LRRC42: variants seen among roughly 807,000 people sequenced by gnomAD.
The protein encoded by LRRC42 is leucine-rich repeat-containing protein 42.
LRRC42 carries 43 observed loss-of-function variants against 44.3 expected under a neutral mutation model. The observed-to-expected ratio is 0.97, with a 90% confidence interval of 0.76 to 1.25. The LOEUF (loss-of-function observed/expected upper bound fraction) is 1.25. Ranked by LOEUF, LRRC42 falls within the 50% of genes most tolerant of loss-of-function variation. The pLI, the probability that LRRC42 is intolerant of heterozygous loss-of-function variation, is 0.00. For synonymous variants in LRRC42, 207 were observed against 195.2 expected, an observed-to-expected ratio of 1.06 and a Z score of -0.50; for missense variants, 540 against 509.1, an observed-to-expected ratio of 1.06 and a Z score of -0.58.
In LRRC42 at chr1:53,967,223, C is replaced by T. The variant is rs948722670; in HGVS notation, c.1013-442C>T. Reference sequence around the variant, plus strand: ...CAAAAAAATGTAAAATAGGTTGTATCATTTGCTATTTGGCTCTTAGAGTCA... The same window carrying T: ...CAAAAAAATGTAAAATAGGTTGTATTATTTGCTATTTGGCTCTTAGAGTCA... On this transcript the variant is annotated intron_variant, in intron 8 of 8. Coordinates refer to ENST00000371370, the MANE Select transcript of LRRC42 (RefSeq NM_001256409.2). Among the ~76,000 whole-genome samples, 36 of 152,178 alleles carry T rather than the reference C, an allele frequency of 2.4e-4. 1 individual carries two copies. The highest frequency in any genetic ancestry group is 8.4e-4 in the African/African-American group (35 of 41,442).
intron 3 of LRRC42, among the ~76,000 whole-genome samples, chr1:53,957,611 G>A (rs527642699): frequency 6.6e-6 from 1 of 152,324 alleles, no homozygotes; most frequent in South Asian, 2.1e-4. Flanking sequence ...TTGGAGTAAA[G>A]TTAGGATAAC....
At chr1:53,952,619 A>G in intron 3 of LRRC42, 147 bp downstream of exon 3, 1 of 606,804 alleles carries the variant, frequency 1.6e-6, no homozygotes, top group South Asian at 2.7e-5. Context: ...CATATTGAAA[A>G]AAATCACTCT....
Position 53,967,712 on chromosome 1 carries a change from G to C in LRRC42, c.1060G>C (p.Asp354His). Reference sequence around the variant, plus strand: ...AGCCCCACTGAAGTGTCCCCTGGCAGACACCCACATGAACTCTTCCGAGAA... The same window carrying C: ...AGCCCCACTGAAGTGTCCCCTGGCACACACCCACATGAACTCTTCCGAGAA... ...AEAPLKCPLA[D>H]THMNSSEKLQ... Residue 354 changes from aspartate (D) to histidine (H), a missense_variant, in exon 9 of 9, where the codon GAC becomes CAC. Transcript: ENST00000371370. 6.2e-6 allele frequency: 10 copies of C among 1,614,166 alleles called. No individual in the cohort carries two copies. The South Asian group carries it at 7.7e-5, about 12-fold the overall frequency.
At chr1:53,950,389 C>G (rs1654639280) in intron 2 of LRRC42, among the ~76,000 whole-genome samples, 1 of 152,204 alleles carries the variant, frequency 6.6e-6, no homozygotes. Context: ...GTACTCTTCT[C>G]TCATGTGCTT....
chr1:53,958,099 G>A (rs1274011135), intron 3 of LRRC42, 50 bp from the exon 4 acceptor site: 3 of 1,607,722 alleles, frequency 1.9e-6, no homozygotes, highest in Admixed American at 1.7e-5. Flanking sequence ...AAATGGTAAT[G>A]CTTTAAGAGT....
chr1:53,958,573 A>G (rs191851775), intron 4 of LRRC42, among the ~76,000 whole-genome samples: 14 of 151,824 alleles, frequency 9.2e-5, no homozygotes, highest in Non-Finnish European at 1.5e-5. Flanking sequence ...TTTGCCCCTT[A>G]TTTATTTATT....
At chr1:53,962,540 T>C in intron 7 of LRRC42, 131 bp downstream of exon 7, 1 of 667,478 alleles carries the variant, frequency 1.5e-6, no homozygotes, top group South Asian at 1.8e-5. Context: ...CATGTCAAAT[T>C]GGAGACACTG....
intron 3 of LRRC42, among the ~76,000 whole-genome samples, chr1:53,953,434 C>T (rs1654748176): frequency 6.6e-6 from 1 of 152,162 alleles, no homozygotes; most frequent in African/African-American, 2.4e-5. Context: ...TCTCAGCTCT[C>T]ACTGCAACCT....
At chr1:53,948,914 T>C (rs1654597803) in intron 2 of LRRC42, among the ~76,000 whole-genome samples, 1 of 152,230 alleles carries the variant, frequency 6.6e-6, no homozygotes, top group Non-Finnish European at 1.5e-5. Flanking sequence ...TTTGGGAGAA[T>C]GCAGGATGTG....
intron 3 of LRRC42, among the ~76,000 whole-genome samples, chr1:53,955,974 A>T (rs957426917): frequency 3.9e-5 from 6 of 152,194 alleles, no homozygotes; most frequent in Non-Finnish European, 7.3e-5. Flanking sequence ...TCCACACTTG[A>T]CTGTCTCATT....
At chr1:53,965,265 G>C (rs1456341446) in intron 7 of LRRC42, among the ~76,000 whole-genome samples, 1 of 151,978 alleles carries the variant, frequency 6.6e-6, no homozygotes, top group East Asian at 1.9e-4. Flanking sequence ...GATTACAGGC[G>C]TGAGCTACTG....
intron 3 of LRRC42, among the ~76,000 whole-genome samples, chr1:53,957,001 A>T (rs879475621): frequency 1.3e-5 from 2 of 152,152 alleles, no homozygotes; most frequent in Admixed American, 6.5e-5. Context: ...GTCTCCAGGC[A>T]CCTTAGGTTC....
chr1:53,966,246 T>A, intron 7 of LRRC42, 50 bp from the exon 8 acceptor site: 1 of 1,459,030 alleles, frequency 6.9e-7, no homozygotes, highest in South Asian at 1.1e-5. Context: ...GGCTTGAGAT[T>A]AAAATCTCAA....
intron 7 of LRRC42, among the ~76,000 whole-genome samples, chr1:53,964,255 C>A (rs896480704): frequency 1.3e-5 from 2 of 152,092 alleles, no homozygotes; most frequent in Non-Finnish European, 2.9e-5. Flanking sequence ...CCTGGCTCTC[C>A]CCCAACTTTC....
intron 3 of LRRC42, among the ~76,000 whole-genome samples, chr1:53,956,716 T>TG (rs1247563783): frequency 2.0e-5 from 3 of 152,254 alleles, no homozygotes; most frequent in African/African-American, 7.2e-5. Context: ...CCTAACATGT[T>TG]TGTTCCTCAA....
chr1:53,962,290 C>A lies in LRRC42; in HGVS notation c.814-6C>A. 6.2e-7 allele frequency: 1 copy of A among 1,604,270 alleles called. No individual in the cohort carries two copies. Among genetic ancestry groups the A allele is most frequent in the Non-Finnish European group, 8.5e-7 (1 of 1,171,064 alleles). The stretch of plus-strand genomic sequence containing the variant: ...TTGCATTTCTGATCTGTCTCTGCCT[C>A]ACTAGGACATCAAAACCGTCAAGCA... On this transcript the variant is annotated splice_region_variant and splice_polypyrimidine_tract_variant and intron_variant, in intron 6 of 8. Transcript: ENST00000371370.
intron 6 of LRRC42, 30 bp downstream of exon 6, chr1:53,962,152 T>C: frequency 6.4e-7 from 1 of 1,570,322 alleles, no homozygotes; most frequent in Non-Finnish European, 8.8e-7. Context: ...CTCTCATTTT[T>C]CTAGACTCAA....
chr1:53,966,092 A>G (rs1165327451), intron 7 of LRRC42, among the ~76,000 whole-genome samples: 3 of 152,264 alleles, frequency 2.0e-5, no homozygotes, highest in Non-Finnish European at 4.4e-5. Flanking sequence ...CATATATCCA[A>G]CGTGTTTGCA....
chr1:53,968,069 G>T lies in LRRC42; in HGVS notation c.*130G>T. The T allele has an allele frequency of 1.0e-6, 1 of 957,212 alleles. No individual in the cohort carries two copies. The highest frequency in any genetic ancestry group is 1.6e-6 in the Non-Finnish European group (1 of 638,700). 59.3% of individuals were successfully genotyped at this position (957,212 alleles called of 1,614,324 possible). ...ATAGTAAGCAGATATTTCTACTTTT[G>T]TGGTGTGGGAGGGGAATGCTATGGA... is the stretch of plus-strand genomic sequence containing the variant. On this transcript the variant is annotated 3_prime_UTR_variant, in exon 9 of 9. Transcript: ENST00000371370.
Sources: allele counts gnomAD v4.1 joint callset (sites outside exome capture counted in the v4.1 genomes callset), GRCh38; gene constraint gnomAD v4.1.1; transcripts MANE v1.5; gene names NCBI Gene and HGNC (gene_info 2026-07-23, HGNC 2026-07-21).